ATP2C2: variants seen among roughly 807,000 people sequenced by gnomAD.
ATP2C2 encodes ATPase secretory pathway Ca2+ transporting 2.
ATP2C2 carries 171 observed loss-of-function variants against 110.8 expected under a neutral mutation model. The observed-to-expected ratio is 1.54, with a 90% confidence interval of 1.36 to 1.75. ATP2C2 has a LOEUF of 1.75. Ranked by LOEUF, ATP2C2 falls within the 40% of genes most tolerant of loss-of-function variation. The probability of loss-of-function intolerance (pLI) is 0.00; values close to 1 mark genes in which losing one functional copy is unlikely to be tolerated. For missense variants in ATP2C2, 1,963 were observed against 1,235.0 expected, an observed-to-expected ratio of 1.59 and a Z score of -8.84; for synonymous variants, 804 against 508.4, an observed-to-expected ratio of 1.58 and a Z score of -7.82.
chr16:84,415,471 T>A lies in ATP2C2; in HGVS notation c.516-12T>A, dbSNP rs377747879. 29 of 1,611,632 alleles carry A rather than the reference T, an allele frequency of 1.8e-5. No individual in the cohort carries two copies. In the African/African-American group the frequency reaches 3.7e-4, roughly 21 times the overall value. On this transcript the variant is annotated splice_polypyrimidine_tract_variant and intron_variant, in intron 6 of 26. Transcript: ENST00000262429. ...GCATGGATGCTTTTGCTTTTTACCA[T>A]GTCAAATGCAGCCTAAGAGAAGGAA... is the stretch of plus-strand genomic sequence containing the variant.
intron 4 of ATP2C2, among the ~76,000 whole-genome samples, chr16:84,408,752 T>G (rs1906009826): frequency 6.6e-6 from 1 of 152,058 alleles, no homozygotes; most frequent in Admixed American, 6.6e-5. Flanking sequence ...GGGAATTCCT[T>G]TCCCGTGACC....
At chr16:84,370,675 C>CTTTT (rs112540313) in intron 1 of ATP2C2, among the ~76,000 whole-genome samples, 8,430 of 143,610 alleles carry the variant, frequency 0.059, 322 homozygotes, top group Middle Eastern at 0.11. Flanking sequence ...TTGGAATTGT[C>CTTTT]TTTTTTTTTT....
chr16:84,378,905 TG>T (rs1910410663), intron 1 of ATP2C2, among the ~76,000 whole-genome samples: 2 of 151,928 alleles, frequency 1.3e-5, no homozygotes, highest in Non-Finnish European at 2.9e-5. Flanking sequence ...TCTTGCTGTT[TG>T]GGGTTCTCTT....
chr16:84,388,287 T>G (rs2151405801), intron 1 of ATP2C2, among the ~76,000 whole-genome samples: 1 of 151,958 alleles, frequency 6.6e-6, no homozygotes, highest in Non-Finnish European at 1.5e-5. Context: ...ATCACGCCAC[T>G]GCACTGCAGC....
At position 84,459,298 on chromosome 16, in the gene ATP2C2, C is replaced by G. The variant is rs1199523220; in HGVS notation, c.2245C>G (p.Leu749Val). The change falls in exon 23 of 27, where the codon CTG becomes GTG. Residue 749 changes from leucine (L) to valine (V), a missense_variant. Leu to Val is a conservative substitution (Grantham distance 32, BLOSUM62 1). Coordinates refer to ENST00000262429, the MANE Select transcript of ATP2C2 (RefSeq NM_014861.4). The stretch of plus-strand genomic sequence containing the variant: ...CATCTCCGCCCTGAGTCTCATCACT[C>G]TGTCCACCGTGTTCAACCTGCCCAG... ...TSISALSLIT[L>V]STVFNLPSPL... 1 of 1,614,108 alleles carries G rather than the reference C, an allele frequency of 6.2e-7. No individual in the cohort carries two copies. The highest frequency in any genetic ancestry group is 8.5e-7 in the Non-Finnish European group (1 of 1,180,042).
chr16:84,400,275 A>G (rs1597763726), intron 2 of ATP2C2, among the ~76,000 whole-genome samples: 1 of 151,286 alleles, frequency 6.6e-6, no homozygotes. Flanking sequence ...TCTTTTGGTT[A>G]TGTATCTAGG....
rs546606202 is a variant in ATP2C2 at position 84,459,585 on chromosome 16, A to G, written c.2333+199A>G. The G allele has an allele frequency of 4.4e-4, 672 of 1,536,060 alleles. 1 individual carries two copies. The highest frequency in any genetic ancestry group is 1.1e-3 in the Admixed American group (54 of 51,018). Reference sequence around the variant, plus strand: ...CAGAGGAGAAAGTACCTGGGCCGGCAGAGCTGGGTGAGGATGGAACTTTCT... The same window carrying G: ...CAGAGGAGAAAGTACCTGGGCCGGCGGAGCTGGGTGAGGATGGAACTTTCT... On this transcript the variant is annotated intron_variant, in intron 23 of 26. Transcript: ENST00000262429.
At chr16:84,406,840 C>A (rs138777377) in intron 3 of ATP2C2, among the ~76,000 whole-genome samples, 3 of 152,134 alleles carry the variant, frequency 2.0e-5, no homozygotes, top group Non-Finnish European at 4.4e-5. Context: ...CCCGCTCCCC[C>A]ACTTCCCCTG....
intron 11 of ATP2C2, among the ~76,000 whole-genome samples, chr16:84,433,938 G>A (rs745392606): frequency 6.6e-6 from 1 of 152,142 alleles, no homozygotes; most frequent in Non-Finnish European, 1.5e-5. Context: ...GGACTTGCAC[G>A]TGGGAGACAC....
intron 11 of ATP2C2, among the ~76,000 whole-genome samples, chr16:84,438,521 T>A (rs1336741189): frequency 6.6e-6 from 1 of 152,132 alleles, no homozygotes; most frequent in African/African-American, 2.4e-5. Context: ...TCTCACCAGC[T>A]CAGCTTGGGT....
intron 1 of ATP2C2, 110 bp downstream of exon 1, chr16:84,368,824 C>G: frequency 1.1e-6 from 1 of 914,318 alleles, no homozygotes; most frequent in Non-Finnish European, 1.6e-6. Flanking sequence ...GCGAACTCGC[C>G]CTCCTCCCCT....
chr16:84,406,075 C>CTA (rs1299282280), intron 3 of ATP2C2, among the ~76,000 whole-genome samples: 1 of 152,192 alleles, frequency 6.6e-6, no homozygotes, highest in Admixed American at 6.5e-5. Flanking sequence ...CTACTGTAAC[C>CTA]TGAGCCCAAA....
At chr16:84,402,955 T>A (rs1354774353) in intron 2 of ATP2C2, among the ~76,000 whole-genome samples, 1 of 152,220 alleles carries the variant, frequency 6.6e-6, no homozygotes, top group Admixed American at 6.5e-5. Context: ...GGCTTTGATC[T>A]TATTACTTGT....
chr16:84,398,958 C>T (rs1266365333), intron 2 of ATP2C2, among the ~76,000 whole-genome samples: 1 of 152,192 alleles, frequency 6.6e-6, no homozygotes, highest in East Asian at 1.9e-4. Flanking sequence ...GTAGCACAGC[C>T]CAGCGTGGAG....
chr16:84,452,665 A>AT (rs1391258576), intron 18 of ATP2C2, among the ~76,000 whole-genome samples: 1 of 151,764 alleles, frequency 6.6e-6, no homozygotes, highest in African/African-American at 2.4e-5. Context: ...CGCCCAGCTA[A>AT]TTTTTTGTAT....
chr16:84,401,378 C>G (rs1385636310), intron 2 of ATP2C2, among the ~76,000 whole-genome samples: 5 of 152,106 alleles, frequency 3.3e-5, no homozygotes, highest in Non-Finnish European at 7.4e-5. Context: ...GCATGCACAA[C>G]CACATCCAGC....
At chr16:84,385,458 T>A (rs911436364) in intron 1 of ATP2C2, among the ~76,000 whole-genome samples, 3 of 152,172 alleles carry the variant, frequency 2.0e-5, no homozygotes, top group Non-Finnish European at 4.4e-5. Context: ...CATATCACCA[T>A]CATCATCATT....
intron 2 of ATP2C2, among the ~76,000 whole-genome samples, chr16:84,402,968 T>C (rs566375830): frequency 1.3e-5 from 2 of 152,206 alleles, no homozygotes; most frequent in African/African-American, 2.4e-5. Context: ...TTACTTGTTA[T>C]TGGTCTATTC....
rs541104500 is a variant in ATP2C2, at chr16:84,404,946, T to C, written c.211-182T>C. On this transcript the variant is annotated intron_variant, in intron 2 of 26. Transcript: ENST00000262429. ...ATTATAATGGTCACTGGCTTGTGCC[T>C]TTTCCTCCTCTCTCTGCCCCATCTG... 94 of 696,264 alleles carry C rather than the reference T, an allele frequency of 1.4e-4. No individual in the cohort carries two copies. In the East Asian group the frequency reaches 2.5e-3, roughly 19 times the overall value. 43.1% of individuals were successfully genotyped at this position (696,264 alleles called of 1,614,324 possible). A position where few individuals can be genotyped will look rare whatever the true frequency, so the allele number is the denominator to read the frequency against.
Sources: gnomAD v4.1 joint callset for allele counts (sites outside exome capture counted in the v4.1 genomes callset) on GRCh38, gnomAD v4.1.1 for gene constraint, MANE v1.5 for transcripts, NCBI Gene and HGNC (gene_info 2026-07-23, HGNC 2026-07-21) for gene names.